The following HDAC9 variants were observed in gnomAD, a reference collection of about 807,000 sequenced individuals.
HDAC9 encodes the protein MEF-2 interacting transcription repressor (MITR) protein.
A neutral mutation model predicts 139.4 loss-of-function variants in HDAC9; 41 were observed. The observed-to-expected ratio is 0.29, with a 90% CI of 0.23 to 0.38. HDAC9 has a LOEUF of 0.38. Among genes scored for constraint, HDAC9 ranks in the 10% least tolerant of loss-of-function variants. The probability of loss-of-function intolerance (pLI) is 1.00; values close to 1 mark genes in which losing one functional copy is unlikely to be tolerated. For synonymous variants in HDAC9, 517 were observed against 476.2 expected, an observed-to-expected ratio of 1.09 and a Z score of -1.12; for missense variants, 1,147 against 1,297.0, an observed-to-expected ratio of 0.88 and a Z score of 1.78.
Position 18,176,855 on chromosome 7 carries a change from A to G in HDAC9, c.25+14506A>G, listed in dbSNP as rs17138720. ...GTTGGATGTATCTTACTTTGGCTTT[A>G]TGTTTAAAGTGAAACAGTAAATTGA... is the stretch of plus-strand genomic sequence containing the variant. On this transcript the variant is annotated intron_variant, in intron 2 of 12. Transcript: ENST00000417496. Among the ~76,000 whole-genome samples, 165 of 152,226 alleles carry G rather than the reference A, an allele frequency of 1.1e-3. 3 individuals carry two copies. The East Asian group carries it at 0.028, about 26-fold the overall frequency.
intron 1 of HDAC9, among the ~76,000 whole-genome samples, chr7:18,324,005 A>G (rs907736958): frequency 4.0e-5 from 6 of 150,846 alleles, no homozygotes; most frequent in Non-Finnish European, 5.9e-5. Flanking sequence ...TCTTTTTTAT[A>G]AGAGCACTAA....
chr7:18,746,023 C>G (rs560337281), intron 13 of HDAC9, among the ~76,000 whole-genome samples: 39 of 151,598 alleles, frequency 2.6e-4, no homozygotes, highest in African/African-American at 9.0e-4. Context: ...AGGCACACCA[C>G]CATTCCTGGC....
chr7:18,907,704 GAAAAC>G (rs771103324), intron 22 of HDAC9, among the ~76,000 whole-genome samples: 19 of 152,236 alleles, frequency 1.2e-4, no homozygotes, highest in South Asian at 6.2e-4. Flanking sequence ...ATTCTGGAAA[GAAAAC>G]AAAACTCACC....
intron 1 of HDAC9, among the ~76,000 whole-genome samples, chr7:18,155,533 C>G (rs988354085): frequency 1.3e-5 from 2 of 152,140 alleles, no homozygotes; most frequent in Non-Finnish European, 2.9e-5. Flanking sequence ...ACTACTGAAT[C>G]TTATCTTAAA....
chr7:18,240,202 C>T (rs1794098865), intron 2 of HDAC9, among the ~76,000 whole-genome samples: 1 of 152,030 alleles, frequency 6.6e-6, no homozygotes. Context: ...CAATTAAAAC[C>T]ACCATGGTAT....
chr7:18,589,807 T>G (rs1381760651), intron 3 of HDAC9, among the ~76,000 whole-genome samples: 1 of 152,222 alleles, frequency 6.6e-6, no homozygotes, highest in East Asian at 1.9e-4. Flanking sequence ...ATTAGTCTAT[T>G]GAGAACTTGC....
chr7:18,160,480 C>T (rs1216320110), intron 1 of HDAC9, among the ~76,000 whole-genome samples: 2 of 152,020 alleles, frequency 1.3e-5, no homozygotes, highest in Non-Finnish European at 2.9e-5. Context: ...GTTTTCTCAC[C>T]TATTAGGTCC....
chr7:18,600,349 T>A (rs566735683), intron 6 of HDAC9, among the ~76,000 whole-genome samples: 2 of 152,192 alleles, frequency 1.3e-5, no homozygotes, highest in African/African-American at 4.8e-5. Flanking sequence ...TAGTTTTATA[T>A]CCAAAAATTT....
At position 18,959,769 on chromosome 7, in the gene HDAC9, G is replaced by A. The variant is rs1336384547; in HGVS notation, c.3022+5539G>A. On this transcript the variant is annotated intron_variant, in intron 24 of 25. Coordinates refer to ENST00000686413, the MANE Select transcript of HDAC9 (RefSeq NM_178425.4). ...GAACAGTAAGAATTTTCTCCCTGTA[G>A]CCCCACTTTCACTTTTCCCCACTCT... 2.6e-5 allele frequency among the ~76,000 whole-genome samples: 4 copies of A among 152,214 alleles called. No homozygotes were observed. The East Asian group carries it at 7.7e-4, about 29-fold the overall frequency.
intron 11 of HDAC9, among the ~76,000 whole-genome samples, chr7:18,665,130 G>T (rs1794469519): frequency 6.6e-6 from 1 of 152,132 alleles, no homozygotes; most frequent in Non-Finnish European, 1.5e-5. Flanking sequence ...TTGTAATTAT[G>T]TGTGAGTGGG....
intron 8 of HDAC9, among the ~76,000 whole-genome samples, chr7:18,639,821 G>A (rs1785017101): frequency 1.3e-5 from 2 of 151,930 alleles, no homozygotes; most frequent in Admixed American, 6.6e-5. Context: ...AGACACACAT[G>A]TTACCTGATA....
At chr7:18,527,186 G>A (rs1807225068) in intron 2 of HDAC9, among the ~76,000 whole-genome samples, 2 of 152,124 alleles carry the variant, frequency 1.3e-5, no homozygotes. Context: ...GAAAGGACTA[G>A]GAAGTGGTAG....
At chr7:18,668,333 T>A in intron 12 of HDAC9, 1 of 948,934 alleles carries the variant, frequency 1.1e-6, no homozygotes. Flanking sequence ...TTGTCAGTTG[T>A]TTTGCATTAA....
At chr7:18,177,667 C>A (rs907920899) in intron 2 of HDAC9, among the ~76,000 whole-genome samples, 4 of 152,146 alleles carry the variant, frequency 2.6e-5, no homozygotes, top group African/African-American at 9.7e-5. Context: ...CTGGAACTTA[C>A]CTTAGTACTG....
chr7:18,627,509 A>C lies in HDAC9; in HGVS notation c.665-1841A>C, dbSNP rs556854198. 1.5e-4 allele frequency among the ~76,000 whole-genome samples: 23 copies of C among 152,350 alleles called. 1 individual carries two copies. The South Asian group carries it at 4.8e-3, about 32-fold the overall frequency. ...TATTTTTGAAGTAATTTAAAAATAC[A>C]TGTGTACATGAAAACATATCTAAGT... On this transcript the variant is annotated intron_variant, in intron 6 of 25. Coordinates refer to ENST00000686413, the MANE Select transcript of HDAC9 (RefSeq NM_178425.4).
chr7:18,631,737 C>T (rs2128982195), intron 7 of HDAC9, among the ~76,000 whole-genome samples: 1 of 151,998 alleles, frequency 6.6e-6, no homozygotes, highest in South Asian at 2.1e-4. Flanking sequence ...ATTGACTCCC[C>T]CTGTGCCTGC....
chr7:18,419,227 A>G (rs1789387846), intron 1 of HDAC9, among the ~76,000 whole-genome samples: 1 of 152,238 alleles, frequency 6.6e-6, no homozygotes, highest in Non-Finnish European at 1.5e-5. Flanking sequence ...TCATGAACAT[A>G]TGACCAATGA....
intron 16 of HDAC9, among the ~76,000 whole-genome samples, chr7:18,777,604 A>G (rs940867906): frequency 6.6e-6 from 1 of 152,132 alleles, no homozygotes; most frequent in South Asian, 2.1e-4. Flanking sequence ...ACTATTGACA[A>G]TCAGTTTCTG....
At chr7:18,443,759 C>T (rs1161747365) in intron 1 of HDAC9, among the ~76,000 whole-genome samples, 1 of 151,798 alleles carries the variant, frequency 6.6e-6, no homozygotes, top group African/African-American at 2.4e-5. Context: ...TTAATTTGTA[C>T]ACACACAAAC....
Sources: allele counts gnomAD v4.1 joint callset (sites outside exome capture counted in the v4.1 genomes callset), GRCh38; gene constraint gnomAD v4.1.1; transcripts MANE v1.5; gene names NCBI Gene and HGNC (gene_info 2026-07-23, HGNC 2026-07-21).